The following ERICH1 variants were observed in gnomAD, a reference collection of about 807,000 sequenced individuals.
The protein encoded by ERICH1 is glutamate-rich protein 1.
In ERICH1, 56 loss-of-function variants were observed where a neutral mutation model predicts 39.6. The observed-to-expected ratio is 1.41, with a 90% CI of 1.14 to 1.77. The LOEUF (loss-of-function observed/expected upper bound fraction) is 1.77, where lower values mean the gene tolerates loss of function less well. Ranked by LOEUF, ERICH1 falls within the 40% of genes most tolerant of loss-of-function variation. The probability of loss-of-function intolerance (pLI) is 0.00; values close to 1 mark genes in which losing one functional copy is unlikely to be tolerated. For missense variants in ERICH1, 826 were observed against 575.4 expected (o/e 1.44, Z -4.45); for synonymous variants, 313 against 223.6 (o/e 1.40, Z -3.57).
chr8:721,142 A>G (rs976291786), intron 1 of ERICH1, among the ~76,000 whole-genome samples: 10 of 152,382 alleles, frequency 6.6e-5, no homozygotes, highest in Admixed American at 3.9e-4. Context: ...CAAGAATTAT[A>G]ATAAATTTTA....
At chr8:717,976 C>A (rs1241536040) in intron 1 of ERICH1, among the ~76,000 whole-genome samples, 1 of 152,248 alleles carries the variant, frequency 6.6e-6, no homozygotes, top group African/African-American at 2.4e-5. Context: ...TGAAACAAGG[C>A]AGCTGATCCC....
At chr8:666,790 T>G (rs953829279) in intron 5 of ERICH1, 1 of 152,580 alleles carries the variant, frequency 6.6e-6, no homozygotes, top group African/African-American at 2.4e-5. Context: ...CTCCTCCTCC[T>G]CGCGGTGACC....
chr8:650,824 G>A (rs1484384682), intron 3 of ERICH1, among the ~76,000 whole-genome samples: 1 of 152,232 alleles, frequency 6.6e-6, no homozygotes, highest in Non-Finnish European at 1.5e-5. Flanking sequence ...TGCAGCCACC[G>A]CAGGAGGCTT....
intron 2 of ERICH1, among the ~76,000 whole-genome samples, chr8:698,632 T>C (rs1481075001): frequency 6.6e-6 from 1 of 152,168 alleles, no homozygotes; most frequent in African/African-American, 2.4e-5. Context: ...AAAATTCTTT[T>C]AGAGACAGGG....
chr8:676,191 G>C (rs547994346), intron 3 of ERICH1, among the ~76,000 whole-genome samples: 2 of 8,660 alleles, frequency 2.3e-4, no homozygotes, highest in African/African-American at 3.6e-4. Flanking sequence ...AGACGCGGCG[G>C]CCCCTCGGCG....
intron 3 of ERICH1, among the ~76,000 whole-genome samples, chr8:617,479 T>C (rs1796993601): frequency 6.6e-6 from 1 of 152,194 alleles, no homozygotes; most frequent in Non-Finnish European, 1.5e-5. Flanking sequence ...TGGTGCTCGG[T>C]CTATCCTCAC....
chr8:685,826 A>C lies in ERICH1; in HGVS notation c.304+6652T>G, dbSNP rs570691965. ...TCTTTCTATTCCTGAGAGTCTCTTC[A>C]GCTTTGGGCAATTCATGTATTATTT... On this transcript the variant is annotated intron_variant, in intron 3 of 5. Transcript: ENST00000262109. Among the ~76,000 whole-genome samples, 3 of 152,026 alleles carry C rather than the reference A, an allele frequency of 2.0e-5. No individual in the cohort carries two copies. In the South Asian group the frequency reaches 6.2e-4, roughly 32 times the overall value.
At chr8:722,519 G>C (rs1333370571) in intron 1 of ERICH1, among the ~76,000 whole-genome samples, 1 of 152,192 alleles carries the variant, frequency 6.6e-6, no homozygotes, top group Non-Finnish European at 1.5e-5. Context: ...ACACACTTAG[G>C]AAAAACTGTA....
intron 1 of ERICH1, among the ~76,000 whole-genome samples, chr8:722,419 A>C (rs997469587): frequency 6.6e-6 from 1 of 152,240 alleles, no homozygotes; most frequent in Admixed American, 6.5e-5. Flanking sequence ...TATAATTCTC[A>C]GAAAGGACTG....
chr8:621,707 G>A (rs570714842), intron 3 of ERICH1, among the ~76,000 whole-genome samples: 44 of 152,068 alleles, frequency 2.9e-4, no homozygotes, highest in South Asian at 2.5e-3. Flanking sequence ...GAAAGACTAC[G>A]AAAGAAAGAG....
intron 3 of ERICH1, among the ~76,000 whole-genome samples, chr8:685,766 T>C (rs970259486): frequency 4.0e-5 from 6 of 151,830 alleles, no homozygotes; most frequent in Non-Finnish European, 7.4e-5. Context: ...ATTTCAAGAG[T>C]CTTTCTTCAT....
Position 692,594 on chromosome 8 carries a change from G to C in ERICH1, c.188C>G (p.Pro63Arg), listed in dbSNP as rs1456074750. Residue 63 changes from proline (P) to arginine (R), a missense_variant, in exon 3 of 6, where the codon CCG becomes CGG. By Grantham distance (103) the Pro-to-Arg change is moderately radical. Transcript: ENST00000262109. ...GGCAGTGTAGAGCCGTCGGGCAGTC[G>C]GGGTCTCAGAGCCAGTGTCTGCAAC... is the stretch of plus-strand genomic sequence containing the variant. The part of the protein sequence containing the change: ...EPLTDTGSET[P>R]TARRLYTASG... 2 of 1,603,614 alleles carry C rather than the reference G, an allele frequency of 1.2e-6. No homozygotes were observed. Among genetic ancestry groups the C allele is most frequent in the Non-Finnish European group, 1.7e-6 (2 of 1,174,070 alleles).
In ERICH1 at chr8:670,235, C is replaced by T. The variant is rs35386957; in HGVS notation, c.1064-1443G>A. On this transcript the variant is annotated intron_variant, in intron 4 of 5. Coordinates refer to ENST00000262109, the MANE Select transcript of ERICH1 (RefSeq NM_207332.3). ...TTCCATTTGATTATTTTAGTAGATT[C>T]AAATTACCTGGCGAAATGCTCCAAT... is the stretch of plus-strand genomic sequence containing the variant. Among the ~76,000 whole-genome samples the T allele has an allele frequency of 7.9e-3, 1,210 of 152,298 alleles. 16 individuals are homozygous for T. Among genetic ancestry groups the T allele is most frequent in the Admixed American group, 0.012 (183 of 15,296 alleles).
chr8:632,272 T>C (rs1703963), intron 3 of ERICH1, among the ~76,000 whole-genome samples: 25,128 of 152,126 alleles, frequency 0.17, 2,701 homozygotes, highest in East Asian at 0.36. Flanking sequence ...AGATAGTTTT[T>C]CTCAAAACTA....
At chr8:713,839 C>G (rs1815318849) in intron 2 of ERICH1, among the ~76,000 whole-genome samples, 1 of 152,168 alleles carries the variant, frequency 6.6e-6, no homozygotes, top group Non-Finnish European at 1.5e-5. Flanking sequence ...GAGACCACCA[C>G]TATACAAACA....
intron 3 of ERICH1, among the ~76,000 whole-genome samples, chr8:681,396 A>G (rs768793623): frequency 6.6e-6 from 1 of 152,256 alleles, no homozygotes; most frequent in Non-Finnish European, 1.5e-5. Flanking sequence ...GGTGAGACAT[A>G]CCCAGCAGGG....
chr8:655,442 C>T (rs147034778), intron 3 of ERICH1, among the ~76,000 whole-genome samples: 3 of 152,338 alleles, frequency 2.0e-5, no homozygotes, highest in South Asian at 2.1e-4. Flanking sequence ...CATAGACTTA[C>T]GTTCTTACCT....
At chr8:615,551 G>C (rs1239720794) in intron 3 of ERICH1, 1 of 383,472 alleles carries the variant, frequency 2.6e-6, no homozygotes, top group African/African-American at 2.1e-5. Context: ...GATTACGGAG[G>C]TGATGGCTGC....
At chr8:731,019 C>T in intron 1 of ERICH1, 121 bp downstream of exon 1, 1 of 1,167,430 alleles carries the variant, frequency 8.6e-7, no homozygotes, top group Non-Finnish European at 1.1e-6. Context: ...GGTGGGGAGT[C>T]GGTCTGGGTT....
Sources: allele counts gnomAD v4.1 joint callset (sites outside exome capture counted in the v4.1 genomes callset), GRCh38; gene constraint gnomAD v4.1.1; transcripts MANE v1.5; gene names NCBI Gene and HGNC (gene_info 2026-07-23, HGNC 2026-07-21).